The following NRG3 variants were observed in gnomAD, a reference collection of about 807,000 sequenced individuals.
NRG3 encodes neuregulin 3.
In NRG3, 31 loss-of-function variants were observed where a neutral mutation model predicts 66.9. The ratio of observed to expected loss-of-function variants is 0.46; its 90% CI spans 0.35 to 0.63. The LOEUF (loss-of-function observed/expected upper bound fraction) is 0.63, where lower values mean the gene tolerates loss of function less well. Among genes scored for constraint, NRG3 ranks in the 20% least tolerant of loss-of-function variants. The pLI is 0.00. For synonymous variants in NRG3, 393 were observed against 359.4 expected (o/e 1.09, Z -1.06); for missense variants, 910 against 878.9 (o/e 1.04, Z -0.45).
chr10:82,586,826 A>G (rs2046700301), intron 2 of NRG3, among the ~76,000 whole-genome samples: 1 of 152,214 alleles, frequency 6.6e-6, no homozygotes, highest in Non-Finnish European at 1.5e-5. Context: ...GAATTTATGT[A>G]TATTGTTAAC....
chr10:82,922,120 T>G lies in NRG3; in HGVS notation c.1055-29349T>G, dbSNP rs138220093. On this transcript the variant is annotated intron_variant, in intron 4 of 8. Coordinates refer to ENST00000372141, the MANE Select transcript of NRG3 (RefSeq NM_001010848.4). ...ACCACCCGCCACCTCTCTATATATA[T>G]AGAGACTGGGGGGAAGAGAACCGGA... Among the ~76,000 whole-genome samples, 126 of 152,134 alleles carry G rather than the reference T, an allele frequency of 8.3e-4. 1 individual carries two copies. The East Asian group carries it at 0.022, about 27-fold the overall frequency.
At chr10:82,930,215 A>G (rs1847429325) in intron 4 of NRG3, among the ~76,000 whole-genome samples, 2 of 152,164 alleles carry the variant, frequency 1.3e-5, no homozygotes, top group Admixed American at 6.5e-5. Context: ...GAACCTGCAC[A>G]CCAGTTTTTT....
At chr10:81,923,979 A>G (rs561925636) in intron 1 of NRG3, among the ~76,000 whole-genome samples, 1 of 152,256 alleles carries the variant, frequency 6.6e-6, no homozygotes, top group South Asian at 2.1e-4. Context: ...GCAGCACTGA[A>G]ATAGGTGCTC....
intron 1 of NRG3, among the ~76,000 whole-genome samples, chr10:82,310,610 G>A (rs61864201): frequency 2.2e-4 from 34 of 152,164 alleles, no homozygotes; most frequent in Admixed American, 3.9e-4. Flanking sequence ...TGAAAGGGCC[G>A]TAAGGGTAGC....
At chr10:82,789,539 A>G (rs895640596) in intron 3 of NRG3, among the ~76,000 whole-genome samples, 6 of 151,970 alleles carry the variant, frequency 3.9e-5, no homozygotes, top group Admixed American at 2.0e-4. Context: ...TCATTTTTCT[A>G]TCCTTTTACC....
intron 3 of NRG3, among the ~76,000 whole-genome samples, chr10:82,788,838 A>G (rs1448742430): frequency 6.6e-6 from 1 of 152,036 alleles, no homozygotes; most frequent in Non-Finnish European, 1.5e-5. Flanking sequence ...TATTTCACTT[A>G]GGGTAACGTA....
At chr10:82,146,781 G>T (rs891254169) in intron 1 of NRG3, among the ~76,000 whole-genome samples, 3 of 152,094 alleles carry the variant, frequency 2.0e-5, no homozygotes, top group Non-Finnish European at 4.4e-5. Context: ...GTAGCCCCAG[G>T]GCTGCTTGCA....
At chr10:81,893,445 C>CT (rs150081828) in intron 1 of NRG3, among the ~76,000 whole-genome samples, 9,142 of 151,078 alleles carry the variant, frequency 0.061, 586 homozygotes, top group East Asian at 0.19. Context: ...ATGGAATGGA[C>CT]TTTTTTTTTG....
rs186490326 is a variant in NRG3, at chr10:81,998,317, T to G, written c.823+122154T>G. ...CAGATCTAATGTTGGATAGTTCTAC[T>G]TAGACATGTTTCTCTATATGACTCT... On this transcript the variant is annotated intron_variant, in intron 1 of 8. Transcript: ENST00000372141. 2.5e-4 allele frequency among the ~76,000 whole-genome samples: 38 copies of G among 152,350 alleles called. No individual in the cohort carries two copies. In the East Asian group the frequency reaches 6.9e-3, roughly 28 times the overall value.
chr10:82,020,162 A>G (rs2061995911), intron 1 of NRG3, among the ~76,000 whole-genome samples: 1 of 152,144 alleles, frequency 6.6e-6, no homozygotes, highest in Non-Finnish European at 1.5e-5. Flanking sequence ...GGTTTATAGG[A>G]AAAAGTTATA....
chr10:82,018,288 G>A (rs912405213), intron 1 of NRG3, among the ~76,000 whole-genome samples: 3 of 152,104 alleles, frequency 2.0e-5, no homozygotes, highest in African/African-American at 7.2e-5. Flanking sequence ...TGTTCCATTG[G>A]TCTACATCTC....
At chr10:82,009,599 A>G (rs2061500362) in intron 1 of NRG3, among the ~76,000 whole-genome samples, 1 of 152,228 alleles carries the variant, frequency 6.6e-6, no homozygotes, top group African/African-American at 2.4e-5. Flanking sequence ...CACTAAAGGA[A>G]GTCCAGTGAA....
chr10:82,492,633 A>G (rs1843254714), intron 2 of NRG3, among the ~76,000 whole-genome samples: 2 of 152,372 alleles, frequency 1.3e-5, no homozygotes, highest in South Asian at 4.1e-4. Flanking sequence ...AGAGTTTGCA[A>G]GTAGAGAAAC....
At chr10:81,919,752 C>T (rs781753901) in intron 1 of NRG3, among the ~76,000 whole-genome samples, 5 of 152,018 alleles carry the variant, frequency 3.3e-5, no homozygotes, top group East Asian at 3.9e-4. Flanking sequence ...CTAAGGCACT[C>T]GACAAAATGA....
chr10:82,223,451 G>C (rs943551073), intron 1 of NRG3, among the ~76,000 whole-genome samples: 1 of 151,944 alleles, frequency 6.6e-6, no homozygotes, highest in Non-Finnish European at 1.5e-5. Flanking sequence ...ATTCCTGGTG[G>C]GTATTTACTA....
At chr10:82,176,157 A>T (rs888884456) in intron 1 of NRG3, among the ~76,000 whole-genome samples, 1 of 152,192 alleles carries the variant, frequency 6.6e-6, no homozygotes, top group African/African-American at 2.4e-5. Context: ...AAGTTTGTCT[A>T]TACTGCACAG....
intron 1 of NRG3, among the ~76,000 whole-genome samples, chr10:82,234,023 C>G (rs1421947222): frequency 1.3e-5 from 2 of 152,094 alleles, no homozygotes; most frequent in African/African-American, 2.4e-5. Flanking sequence ...AGCTGCTCTA[C>G]AAACCATTTT....
At chr10:82,921,211 G>T (rs140350739) in intron 4 of NRG3, among the ~76,000 whole-genome samples, 1 of 152,160 alleles carries the variant, frequency 6.6e-6, no homozygotes, top group African/African-American at 2.4e-5. Context: ...AATTACCCTA[G>T]TCTAGTCATG....
intron 2 of NRG3, among the ~76,000 whole-genome samples, chr10:82,396,497 C>T (rs567824846): frequency 5.3e-5 from 8 of 152,102 alleles, no homozygotes; most frequent in African/African-American, 1.4e-4. Context: ...GAGTTTATCC[C>T]TGGGGGAAAA....
Sources: allele counts gnomAD v4.1 joint callset (sites outside exome capture counted in the v4.1 genomes callset), GRCh38; gene constraint gnomAD v4.1.1; transcripts MANE v1.5; gene names NCBI Gene and HGNC (gene_info 2026-07-23, HGNC 2026-07-21).